The following PCNX2 variants were observed in gnomAD, a reference collection of about 807,000 sequenced individuals.
PCNX2 encodes pecanex-like protein 2.
A neutral mutation model predicts 223.8 loss-of-function variants in PCNX2; 168 were observed. That is an observed-to-expected ratio of 0.75 (90% CI 0.66 to 0.85). PCNX2 has a LOEUF of 0.85. Among genes scored for constraint, PCNX2 ranks in the 40% least tolerant of loss-of-function variants. The pLI, the probability that PCNX2 is intolerant of heterozygous loss-of-function variation, is 0.00. For synonymous variants in PCNX2, 1,006 were observed against 1,052.6 expected, an observed-to-expected ratio of 0.96 and a Z score of 0.86; for missense variants, 2,507 against 2,675.5, an observed-to-expected ratio of 0.94 and a Z score of 1.39.
chr1:233,106,539 A>C (rs1674792932), intron 21 of PCNX2, among the ~76,000 whole-genome samples: 1 of 151,630 alleles, frequency 6.6e-6, no homozygotes, highest in Non-Finnish European at 1.5e-5. Context: ...TTTTTAGTAG[A>C]GACGGGGTTT....
At chr1:233,081,994 T>TTTGTG (rs1673381614) in intron 23 of PCNX2, among the ~76,000 whole-genome samples, 1 of 148,286 alleles carries the variant, frequency 6.7e-6, no homozygotes, top group African/African-American at 2.5e-5. Context: ...CTGTGTGTGT[T>TTTGTG]TGTGTGTGTG....
At position 233,000,361 on chromosome 1, in the gene PCNX2, C is replaced by T. The variant is rs371289188; in HGVS notation, c.5272G>A (p.Asp1758Asn). 5.3e-5 allele frequency: 86 copies of T among 1,613,740 alleles called. No homozygotes were observed. The African/African-American group carries it at 7.7e-4, about 15-fold the overall frequency. Reference sequence around the variant, plus strand: ...TGGAGCATGATGACCTTGTACTCGTCGGCACCCTCGTCCACCACGTGCCGC... The same window carrying T: ...TGGAGCATGATGACCTTGTACTCGTTGGCACCCTCGTCCACCACGTGCCGC... ...TLRHVVDEGADEYKVIMLHRS... is the reference protein window; with the variant it reads ...TLRHVVDEGANEYKVIMLHRS... The change falls in exon 30 of 34, where the codon GAC (aspartate) becomes AAC (asparagine). Residue 1758 changes from aspartate to asparagine, a missense_variant. Asp to Asn is a conservative substitution (Grantham distance 23). Coordinates refer to ENST00000258229, the MANE Select transcript of PCNX2 (RefSeq NM_014801.4). This position sits in a 1 kb window ranked among gnomAD's most constrained non-coding sequence, Gnocchi z 4.6.
In PCNX2 at chr1:233,295,232, C is replaced by G. The variant is rs1343485397; in HGVS notation, c.153+94G>C. ...CGTCTCTTAAGAATCTCTACGAACC[C>G]GAAAGCCCGTGAGGCTGATGGCACG... is the stretch of plus-strand genomic sequence containing the variant. On this transcript the variant is annotated intron_variant, in intron 1 of 33. Coordinates refer to ENST00000258229, the MANE Select transcript of PCNX2 (RefSeq NM_014801.4). The surrounding 1 kb of genome is among the most constrained non-coding windows in gnomAD (Gnocchi z 4.1). The G allele has an allele frequency of 6.6e-7, 1 of 1,519,864 alleles. No individual in the cohort carries two copies. The highest frequency in any genetic ancestry group is 1.4e-5 in the African/African-American group (1 of 72,100). The allele number at this position is 1,519,864 out of a possible 1,614,324, so 94.1% of individuals were successfully genotyped here.
intron 1 of PCNX2, among the ~76,000 whole-genome samples, chr1:233,281,804 C>A (rs4649296): frequency 0.64 from 97,435 of 151,970 alleles, 31,627 homozygotes; most frequent in East Asian, 0.85. Context: ...CTGTAATATG[C>A]ACTACCAAAA....
At chr1:233,204,117 T>C (rs1354752383) in intron 13 of PCNX2, among the ~76,000 whole-genome samples, 1 of 152,148 alleles carries the variant, frequency 6.6e-6, no homozygotes, top group East Asian at 1.9e-4. Context: ...GATTATTGAG[T>C]TAAGCTGAGG....
chr1:233,163,960 G>C (rs1249455365), intron 17 of PCNX2, among the ~76,000 whole-genome samples: 1 of 152,052 alleles, frequency 6.6e-6, no homozygotes, highest in Non-Finnish European at 1.5e-5. Context: ...GTTTGAATTT[G>C]TTCCCAGTTT....
At position 233,020,372 on chromosome 1, in the gene PCNX2, G is replaced by C. The variant is rs144803244; in HGVS notation, c.4606-3218C>G. On this transcript the variant is annotated intron_variant, in intron 26 of 33. Transcript: ENST00000258229. Reference sequence around the variant, plus strand: ...TCAATGAACACTGTAAAATCCTTCAGAATCTGTCCGGATGAGGTGGATACA... The same window carrying C: ...TCAATGAACACTGTAAAATCCTTCACAATCTGTCCGGATGAGGTGGATACA... Among the ~76,000 whole-genome samples the C allele has an allele frequency of 2.0e-4, 31 of 152,342 alleles. No individual in the cohort carries two copies. In the East Asian group the frequency reaches 5.6e-3, roughly 27 times the overall value.
chr1:233,060,449 AG>A (rs1377747315), intron 23 of PCNX2, among the ~76,000 whole-genome samples: 5 of 152,256 alleles, frequency 3.3e-5, no homozygotes, highest in African/African-American at 1.2e-4. Flanking sequence ...TATAGAACAC[AG>A]TCTAAATTCT....
At chr1:233,325,194 C>A in the PCNX2 span, among the ~76,000 whole-genome samples, 915 of 152,258 alleles carry the variant, frequency 6.0e-3, 19 homozygotes, top group East Asian at 0.063. Context: ...ATTCACCATT[C>A]TAGATGCCAT....
rs1659911982 is a variant in PCNX2 at position 233,259,175 on chromosome 1, C to A, written c.687G>T (p.Lys229Asn). The change falls in exon 5 of 34, where the codon AAG becomes AAT. Residue 229 changes from lysine (K) to asparagine (N), a missense_variant. By Grantham distance (94) the Lys-to-Asn change is moderately conservative. This residue lies in a region of PCNX2 where 1,031 missense variants were observed against 1,021.7 expected (regional missense o/e 1.01). Transcript: ENST00000258229. ...GAGGCTGCCCCTTGCCTCCTCTTTC[C>A]TTTCCTTTACCATTGATGAGAGTTT... ...ATETLINGKG[K>N]ERGGKGQPPL... The A allele has an allele frequency of 6.2e-7, 1 of 1,613,894 alleles. No individual in the cohort carries two copies. Among genetic ancestry groups the A allele is most frequent in the Non-Finnish European group, 8.5e-7 (1 of 1,179,902 alleles).
chr1:233,315,315 G>A, the PCNX2 span, among the ~76,000 whole-genome samples: 1 of 152,210 alleles, frequency 6.6e-6, no homozygotes, highest in Non-Finnish European at 1.5e-5. Context: ...TACACAGATT[G>A]TGCTAAATTA....
chr1:233,251,844 A>G (rs1039441873), intron 7 of PCNX2, among the ~76,000 whole-genome samples: 3 of 152,260 alleles, frequency 2.0e-5, no homozygotes, highest in African/African-American at 7.2e-5. Flanking sequence ...TTGCCACTTT[A>G]TAATTCTCTA....
At chr1:233,294,237 T>C (rs1057243871) in intron 1 of PCNX2, among the ~76,000 whole-genome samples, 1 of 152,208 alleles carries the variant, frequency 6.6e-6, no homozygotes, top group Non-Finnish European at 1.5e-5. Flanking sequence ...TACTATCTCA[T>C]TTAATCCCTA....
In PCNX2 at chr1:233,001,325, C is replaced by G. The variant is rs1313606013; in HGVS notation, c.5097+212G>C. ...AGAAACCCCATTTCTACTACAAATA[C>G]AAAATTAGCTGGGCATGGTGGCACA... On this transcript the variant is annotated intron_variant, in intron 29 of 33. Transcript: ENST00000258229. This position sits in a 1 kb window ranked among gnomAD's most constrained non-coding sequence, Gnocchi z 4.2. Among the ~76,000 whole-genome samples, 1 of 151,988 alleles carries G rather than the reference C, an allele frequency of 6.6e-6. No homozygotes were observed. Among genetic ancestry groups the G allele is most frequent in the African/African-American group, 2.4e-5 (1 of 41,360 alleles).
chr1:233,007,311 C>A (rs927122175), intron 28 of PCNX2, among the ~76,000 whole-genome samples: 1 of 151,878 alleles, frequency 6.6e-6, no homozygotes, highest in Admixed American at 6.6e-5. Context: ...CCATAGGCTC[C>A]TCTCATTCTC....
intron 23 of PCNX2, among the ~76,000 whole-genome samples, chr1:233,076,308 TG>T (rs1447965073): frequency 6.6e-6 from 1 of 152,212 alleles, no homozygotes; most frequent in Non-Finnish European, 1.5e-5. Context: ...ATACAGGATT[TG>T]GATCAAGATG....
At position 233,032,062 on chromosome 1, in the gene PCNX2, T is replaced by C. The variant is rs1391061523; in HGVS notation, c.4352-6663A>G. 3.1e-6 allele frequency: 3 copies of C among 971,286 alleles called. No individual in the cohort carries two copies. The African/African-American group carries it at 5.3e-5, about 17-fold the overall frequency. The allele number at this position is 971,286 out of a possible 1,614,324, so 60.2% of individuals were successfully genotyped here. ...AATAATATAATTTAGGAAGAAATTC[T>C]CTTCCAATGGAGGAAATAAGACAGT... On this transcript the variant is annotated intron_variant, in intron 25 of 33. Coordinates refer to ENST00000258229, the MANE Select transcript of PCNX2 (RefSeq NM_014801.4).
intron 28 of PCNX2, among the ~76,000 whole-genome samples, chr1:233,009,909 T>A (rs1670405646): frequency 6.6e-6 from 1 of 152,200 alleles, no homozygotes. Flanking sequence ...CACACTGCAT[T>A]AGAATTTAAG....
At chr1:233,173,466 C>G (rs1179719848) in intron 17 of PCNX2, among the ~76,000 whole-genome samples, 1 of 152,194 alleles carries the variant, frequency 6.6e-6, no homozygotes, top group Non-Finnish European at 1.5e-5. Flanking sequence ...ATGCCCAGCC[C>G]AGTCTTCACT....
Sources: gnomAD v4.1 joint callset for allele counts (sites outside exome capture counted in the v4.1 genomes callset) on GRCh38, gnomAD v4.1.1 for gene constraint, gnomAD v4.1.1 regional missense constraint, Gnocchi (gnomAD v3.1) non-coding constraint, MANE v1.5 for transcripts, NCBI Gene and HGNC (gene_info 2026-07-23, HGNC 2026-07-21) for gene names.